Variants in DOCK1 observed in about 807,000 individuals in gnomAD.
DOCK1 encodes the protein dedicator of cytokinesis 1, also known as dedicator of cytokinesis protein 1.
Under a neutral mutation model 262.7 loss-of-function variants are expected in DOCK1, and 138 were observed. The ratio of observed to expected loss-of-function variants is 0.53; its 90% CI spans 0.46 to 0.61. DOCK1 has a LOEUF of 0.61. Ranked by LOEUF, DOCK1 falls within the 20% of genes least tolerant of loss-of-function variation. The pLI is 0.00. For synonymous variants in DOCK1, 866 were observed against 867.4 expected, an observed-to-expected ratio of 1.00 and a Z score of 0.03; for missense variants, 1,908 against 2,370.7, an observed-to-expected ratio of 0.80 and a Z score of 4.05.
chr10:127,416,172 C>T (rs893826600), intron 44 of DOCK1, among the ~76,000 whole-genome samples: 48 of 152,350 alleles, frequency 3.2e-4, no homozygotes, highest in African/African-American at 1.1e-3. Flanking sequence ...GCTTTATACT[C>T]AAAGCACCCA....
chr10:127,035,650 C>G (rs2043545073), intron 18 of DOCK1, among the ~76,000 whole-genome samples: 1 of 152,286 alleles, frequency 6.6e-6, no homozygotes, highest in Admixed American at 6.5e-5. Context: ...TCTCCCTTAA[C>G]CCTAGGACCA....
chr10:127,053,775 A>G (rs1299519293), intron 22 of DOCK1, among the ~76,000 whole-genome samples: 1 of 152,248 alleles, frequency 6.6e-6, no homozygotes, highest in Admixed American at 6.5e-5. Flanking sequence ...CTGCGCTAAA[A>G]TGAGGACTTT....
At chr10:127,304,597 T>G (rs1406739663) in intron 29 of DOCK1, among the ~76,000 whole-genome samples, 2 of 152,098 alleles carry the variant, frequency 1.3e-5, no homozygotes, top group African/African-American at 4.8e-5. Flanking sequence ...TGAAAACACA[T>G]AAGTGAGGTC....
Position 126,939,062 on chromosome 10 carries a change from G to C in DOCK1, c.47-31640G>C, listed in dbSNP as rs1317270886. On this transcript the variant is annotated intron_variant, in intron 1 of 51. Transcript: ENST00000623213. ...CACGGTGGGGGGATGAACACCGGGGGGGGGACGAACACCGGAGGGGACGAG... is the reference window on the plus strand; with the variant it reads ...CACGGTGGGGGGATGAACACCGGGGCGGGGACGAACACCGGAGGGGACGAG... Among the ~76,000 whole-genome samples the C allele has an allele frequency of 3.1e-5, 3 of 95,314 alleles. No homozygotes were observed. In the Admixed American group the frequency reaches 3.2e-4, roughly 10 times the overall value. The allele number at this position is 95,314 out of a possible 152,430, so 62.5% of individuals were successfully genotyped here. A position where few individuals can be genotyped will look rare whatever the true frequency, so the allele number is the denominator to read the frequency against.
chr10:127,021,263 T>G (rs2042402114), intron 13 of DOCK1, among the ~76,000 whole-genome samples: 1 of 152,284 alleles, frequency 6.6e-6, no homozygotes, highest in African/African-American at 2.4e-5. Flanking sequence ...CCTCCCAGTT[T>G]CAAGCAGTTC....
intron 29 of DOCK1, among the ~76,000 whole-genome samples, chr10:127,312,604 C>T (rs2062104162): frequency 6.6e-6 from 1 of 152,200 alleles, no homozygotes; most frequent in Non-Finnish European, 1.5e-5. Flanking sequence ...TACCCCCGGG[C>T]TTGAGGACTA....
At chr10:127,116,201 G>A (rs1322487428) in intron 25 of DOCK1, among the ~76,000 whole-genome samples, 1 of 152,102 alleles carries the variant, frequency 6.6e-6, no homozygotes, top group Admixed American at 6.6e-5. Flanking sequence ...GGCTCTCCTG[G>A]GGCTCCTCCC....
At chr10:127,153,644 A>G (rs2052728101) in intron 27 of DOCK1, among the ~76,000 whole-genome samples, 2 of 152,228 alleles carry the variant, frequency 1.3e-5, no homozygotes, top group African/African-American at 4.8e-5. Context: ...CATTTGCAAG[A>G]TAAATGGGTT....
chr10:127,101,787 C>T (rs1172244980), intron 23 of DOCK1, among the ~76,000 whole-genome samples: 6 of 152,186 alleles, frequency 3.9e-5, no homozygotes, highest in Admixed American at 2.6e-4. Context: ...TTGCTACAGG[C>T]GGTTGATGCT....
chr10:127,145,329 C>T (rs2051704823), intron 27 of DOCK1, among the ~76,000 whole-genome samples: 1 of 152,162 alleles, frequency 6.6e-6, no homozygotes, highest in African/African-American at 2.4e-5. Flanking sequence ...CTAACAGCAC[C>T]GCCACATGTC....
At chr10:127,309,852 G>A (rs891566505) in intron 29 of DOCK1, among the ~76,000 whole-genome samples, 1 of 151,418 alleles carries the variant, frequency 6.6e-6, no homozygotes, top group Non-Finnish European at 1.5e-5. Flanking sequence ...TATATCTTGT[G>A]TGTTAGGTTA....
intron 27 of DOCK1, among the ~76,000 whole-genome samples, chr10:127,238,064 G>A (rs767717262): frequency 6.6e-5 from 10 of 152,104 alleles, no homozygotes; most frequent in East Asian, 1.9e-4. Flanking sequence ...ATCATTCCTC[G>A]CTTCATGCAA....
intron 43 of DOCK1, among the ~76,000 whole-genome samples, chr10:127,412,755 C>G (rs1041158521): frequency 7.2e-5 from 11 of 152,194 alleles, no homozygotes; most frequent in Non-Finnish European, 1.3e-4. Flanking sequence ...TGTGAGTCTC[C>G]TAGCTCAGCT....
intron 30 of DOCK1, among the ~76,000 whole-genome samples, chr10:127,342,762 C>T (rs2063487700): frequency 7.0e-6 from 1 of 143,342 alleles, no homozygotes. Flanking sequence ...CTTCTAAAGG[C>T]CGTTGTCTTT....
intron 27 of DOCK1, chr10:127,145,816 C>T (rs2489392): frequency 0.79 from 259,395 of 328,410 alleles, 108,729 homozygotes; most frequent in South Asian, 0.91. Context: ...CTCCACTAAA[C>T]GTAGCAGTGA....
chr10:127,295,683 T>TAAAA (rs34549951), intron 29 of DOCK1, among the ~76,000 whole-genome samples: 1 of 136,066 alleles, frequency 7.3e-6, no homozygotes, highest in Non-Finnish European at 1.6e-5. Flanking sequence ...CCCACCCCGA[T>TAAAA]AAAAAAAAAA....
At chr10:126,988,720 C>T (rs1480584456) in intron 5 of DOCK1, among the ~76,000 whole-genome samples, 1 of 152,162 alleles carries the variant, frequency 6.6e-6, no homozygotes, top group African/African-American at 2.4e-5. Flanking sequence ...AAATTTGCCT[C>T]TGATAGACTT....
chr10:127,371,564 T>C (rs1212361690), intron 33 of DOCK1, among the ~76,000 whole-genome samples: 1 of 152,264 alleles, frequency 6.6e-6, no homozygotes. Flanking sequence ...AATGCCTGTA[T>C]GTTTGCCCAT....
intron 1 of DOCK1, among the ~76,000 whole-genome samples, chr10:126,942,127 C>G (rs2035058983): frequency 6.6e-6 from 1 of 152,062 alleles, no homozygotes; most frequent in Non-Finnish European, 1.5e-5. Context: ...CGGTTTCACA[C>G]CATTCTCCTG....
Sources: allele counts gnomAD v4.1 joint callset (sites outside exome capture counted in the v4.1 genomes callset), GRCh38; gene constraint gnomAD v4.1.1; transcripts MANE v1.5; gene names NCBI Gene and HGNC (gene_info 2026-07-23, HGNC 2026-07-21).